Variants in DACH2 observed in about 807,000 individuals in gnomAD.
DACH2 encodes dachshund family transcription factor 2, also known as dachshund homolog 2.
DACH2 carries 17 observed loss-of-function variants against 35.8 expected under a neutral mutation model. The ratio of observed to expected loss-of-function variants is 0.48; its 90% CI spans 0.33 to 0.71. The LOEUF (loss-of-function observed/expected upper bound fraction) is 0.71. Ranked by LOEUF, DACH2 falls within the 30% of genes least tolerant of loss-of-function variation. DACH2 has a pLI of 0.02. For missense variants in DACH2, 469 were observed against 472.7 expected (o/e 0.99, Z 0.07); for synonymous variants, 195 against 177.3 (o/e 1.10, Z -0.79).
chrX:86,344,613 C>T (rs1252852948), intron 1 of DACH2, among the ~76,000 whole-genome samples: 1 of 111,138 alleles, frequency 9.0e-6, no homozygotes, highest in Non-Finnish European at 1.9e-5. Context: ...GAACTTCTTT[C>T]ACCAACTTCT....
At chrX:86,537,873 G>A (rs750484080) in intron 3 of DACH2, among the ~76,000 whole-genome samples, 1 of 111,224 alleles carries the variant, frequency 9.0e-6, no homozygotes, top group Non-Finnish European at 1.9e-5. Context: ...GCCGGTTCCT[G>A]CCTTAACTGA....
At chrX:86,457,012 T>C (rs2037487628) in intron 2 of DACH2, among the ~76,000 whole-genome samples, 1 of 111,676 alleles carries the variant, frequency 9.0e-6, no homozygotes. Context: ...ATCTGACCTC[T>C]ATCAAAATTT....
At chrX:86,781,519 A>G (rs1420762834) in intron 7 of DACH2, among the ~76,000 whole-genome samples, 3 of 111,426 alleles carry the variant, frequency 2.7e-5, no homozygotes, top group African/African-American at 9.8e-5. Context: ...CCATACTATT[A>G]AAAGTAAAAT....
intron 4 of DACH2, among the ~76,000 whole-genome samples, chrX:86,663,051 A>G (rs1252043280): frequency 8.9e-6 from 1 of 111,981 alleles, no homozygotes; most frequent in African/African-American, 3.2e-5. Context: ...AAAATAGAAC[A>G]CAATTATGGA....
chrX:86,671,308 A>C (rs985560511), intron 4 of DACH2, among the ~76,000 whole-genome samples: 2 of 112,370 alleles, frequency 1.8e-5, no homozygotes, highest in Admixed American at 9.4e-5. Context: ...TTAATTTGGT[A>C]ATACCAGATT....
At chrX:86,180,176 G>GTGTATATATATATATATATA (rs2031434393) in intron 1 of DACH2, among the ~76,000 whole-genome samples, 1 of 42,930 alleles carries the variant, frequency 2.3e-5, no homozygotes. Context: ...ATGCTAAACC[G>GTGTATATATATATATATATA]TATATATATA....
intron 1 of DACH2, among the ~76,000 whole-genome samples, chrX:86,254,830 A>C (rs1417633377): frequency 2.1e-5 from 2 of 93,911 alleles, no homozygotes; most frequent in East Asian, 6.9e-4. Context: ...AGAGAGAGAG[A>C]GAGAGAGAAG....
At chrX:86,168,791 C>T (rs1226624401) in intron 1 of DACH2, among the ~76,000 whole-genome samples, 2 of 108,714 alleles carry the variant, frequency 1.8e-5, no homozygotes, top group African/African-American at 3.3e-5. Flanking sequence ...AACCCTATGC[C>T]GTAACTTTGT....
intron 2 of DACH2, among the ~76,000 whole-genome samples, chrX:86,479,498 A>G (rs1411040422): frequency 2.7e-5 from 3 of 111,433 alleles, no homozygotes; most frequent in African/African-American, 9.8e-5. Flanking sequence ...ACTATCTTAT[A>G]CTTGAATGTT....
intron 5 of DACH2, among the ~76,000 whole-genome samples, chrX:86,705,299 G>A (rs1325511953): frequency 9.1e-6 from 1 of 109,294 alleles, no homozygotes; most frequent in Non-Finnish European, 1.9e-5. Flanking sequence ...GGAAAATTTG[G>A]GAGGTGGGAG....
intron 4 of DACH2, among the ~76,000 whole-genome samples, chrX:86,672,942 G>A (rs1364100541): frequency 8.9e-6 from 1 of 111,837 alleles, no homozygotes; most frequent in Non-Finnish European, 1.9e-5. Context: ...AGTAACCAAG[G>A]GGGCCATACC....
intron 1 of DACH2, among the ~76,000 whole-genome samples, chrX:86,293,463 A>C (rs1281225948): frequency 9.4e-6 from 1 of 106,938 alleles, no homozygotes; most frequent in Admixed American, 1.0e-4. Context: ...TGATCCTGTC[A>C]TTATGATGTT....
chrX:86,177,196 G>A (rs1371462730), intron 1 of DACH2, among the ~76,000 whole-genome samples: 2 of 111,971 alleles, frequency 1.8e-5, no homozygotes, highest in Non-Finnish European at 3.8e-5. Flanking sequence ...TCACCCTGTG[G>A]CAGCACATAA....
At chrX:86,552,165 C>CT (rs1223222811) in intron 3 of DACH2, among the ~76,000 whole-genome samples, 1 of 111,324 alleles carries the variant, frequency 9.0e-6, no homozygotes, top group East Asian at 2.8e-4. Context: ...GACTCTTTCT[C>CT]TTTTTTAGCC....
At chrX:86,697,899 GA>G (rs2041085514) in intron 5 of DACH2, among the ~76,000 whole-genome samples, 1 of 111,114 alleles carries the variant, frequency 9.0e-6, no homozygotes, top group South Asian at 3.7e-4. Flanking sequence ...AAAGATGAAA[GA>G]ACAGAAGACA....
Position 86,781,879 on chromosome X carries a change from G to T in DACH2, c.1241-30977G>T, listed in dbSNP as rs73510193. 2.5e-3 allele frequency among the ~76,000 whole-genome samples: 277 copies of T among 111,901 alleles called. 1 individual carries two copies. The highest frequency in any genetic ancestry group is 8.2e-3 in the African/African-American group (252 of 30,847). On this transcript the variant is annotated intron_variant, in intron 7 of 11. Transcript: ENST00000373125. ...ATATAAAGGGCATCCATATTGGAAA[G>T]AAATAAGTCAAAGTATCCTTGTTTG...
At chrX:86,202,748 G>C (rs1331968988) in intron 1 of DACH2, among the ~76,000 whole-genome samples, 1 of 111,108 alleles carries the variant, frequency 9.0e-6, no homozygotes, top group Non-Finnish European at 1.9e-5. Context: ...TGAGGATTTG[G>C]CAGTGGCAAT....
At chrX:86,265,366 CT>C (rs1310979729) in intron 1 of DACH2, among the ~76,000 whole-genome samples, 348 of 111,302 alleles carry the variant, frequency 3.1e-3, no homozygotes, top group Middle Eastern at 9.2e-3. Context: ...CTTGTTACCA[CT>C]TTTTTTTCCC....
chrX:86,330,040 C>CA (rs758115697), intron 1 of DACH2, among the ~76,000 whole-genome samples: 2 of 111,540 alleles, frequency 1.8e-5, no homozygotes, highest in African/African-American at 6.5e-5. Context: ...ATAAGAGCAA[C>CA]AAAATTGGAA....
Sources: gnomAD v4.1 joint callset for allele counts (sites outside exome capture counted in the v4.1 genomes callset) on GRCh38, gnomAD v4.1.1 for gene constraint, MANE v1.5 for transcripts, NCBI Gene and HGNC (gene_info 2026-07-23, HGNC 2026-07-21) for gene names.